The following MAX variants were observed in gnomAD, a reference collection of about 807,000 sequenced individuals.
MAX encodes MYC associated transcriptional regulator X, also known as protein max.
Under a neutral mutation model 22.3 loss-of-function variants are expected in MAX, and 3 were observed. The ratio of observed to expected loss-of-function variants is 0.13; its 90% CI spans 0.06 to 0.35. The LOEUF (loss-of-function observed/expected upper bound fraction) is 0.35, where lower values mean the gene tolerates loss of function less well. Ranked by LOEUF, MAX falls within the 10% of genes least tolerant of loss-of-function variation. The pLI is 1.00. For synonymous variants in MAX, 72 were observed against 77.7 expected, an observed-to-expected ratio of 0.93 and a Z score of 0.39; for missense variants, 119 against 209.4, an observed-to-expected ratio of 0.57 and a Z score of 2.66.
At chr14:65,026,379 C>G (rs142757862) in intron 3 of MAX, among the ~76,000 whole-genome samples, 1 of 152,316 alleles carries the variant, frequency 6.6e-6, no homozygotes, top group Non-Finnish European at 1.5e-5. Context: ...CAGAAAACAG[C>G]TCCCCTCAGT....
At chr14:65,055,958 A>G (rs915289304) in intron 3 of MAX, among the ~76,000 whole-genome samples, 1 of 151,834 alleles carries the variant, frequency 6.6e-6, no homozygotes, top group East Asian at 1.9e-4. Flanking sequence ...ATTTCCCCCT[A>G]TTTGCCTCTT....
chr14:65,043,802 C>A lies in MAX; in HGVS notation c.172-37518G>T, dbSNP rs537521241. ...GCGCCACTGCAGTCCGCAGTCCGGCCTGGGCGACAGAGCGAGACTCCGTCT... is the reference window on the plus strand; with the variant it reads ...GCGCCACTGCAGTCCGCAGTCCGGCATGGGCGACAGAGCGAGACTCCGTCT... On this transcript the variant is annotated intron_variant, in intron 3 of 3. Transcript: ENST00000341653. 6.6e-3 allele frequency among the ~76,000 whole-genome samples: 817 copies of A among 124,232 alleles called. 10 individuals are homozygous for A. Among genetic ancestry groups the A allele is most frequent in the African/African-American group, 0.023 (769 of 33,316 alleles). 81.5% of individuals were successfully genotyped at this position (124,232 alleles called of 152,430 possible).
chr14:65,053,933 T>C (rs2062670497), intron 3 of MAX, among the ~76,000 whole-genome samples: 1 of 152,204 alleles, frequency 6.6e-6, no homozygotes, highest in Non-Finnish European at 1.5e-5. Flanking sequence ...GGTATTTTTC[T>C]AGAGAAGTGT....
chr14:65,097,352 G>C (rs2063701366), intron 2 of MAX, among the ~76,000 whole-genome samples: 1 of 152,244 alleles, frequency 6.6e-6, no homozygotes, highest in Non-Finnish European at 1.5e-5. Context: ...ACTGCAGAGA[G>C]ACTGCATCTT....
At chr14:65,100,739 TTC>T (rs2139955024) in intron 2 of MAX, among the ~76,000 whole-genome samples, 1 of 152,344 alleles carries the variant, frequency 6.6e-6, no homozygotes, top group African/African-American at 2.4e-5. Flanking sequence ...TCTGTGTGTA[TTC>T]TTTTTTCCCT....
intron 3 of MAX, among the ~76,000 whole-genome samples, chr14:65,092,405 C>T (rs1027810766): frequency 6.6e-5 from 10 of 152,150 alleles, no homozygotes; most frequent in African/African-American, 1.7e-4. Flanking sequence ...GGAATAAGCA[C>T]CAACTGTCAA....
At chr14:65,061,679 C>T (rs905626079) in intron 3 of MAX, 19 of 196,928 alleles carry the variant, frequency 9.6e-5, no homozygotes, top group Middle Eastern at 2.4e-3. Flanking sequence ...CCCACTTGCA[C>T]GCCACCATTC....
At chr14:65,085,842 A>C (rs555867117) in intron 3 of MAX, among the ~76,000 whole-genome samples, 5 of 152,284 alleles carry the variant, frequency 3.3e-5, no homozygotes, top group African/African-American at 1.2e-4. Flanking sequence ...TGAGAAAAGC[A>C]AAGCACTCAG....
chr14:65,066,528 C>G (rs1476479889), intron 3 of MAX, among the ~76,000 whole-genome samples: 6 of 152,182 alleles, frequency 3.9e-5, no homozygotes, highest in Non-Finnish European at 8.8e-5. Context: ...TCTGCTCCCC[C>G]TGAGGAAATA....
chr14:65,053,644 A>C (rs1276650084), intron 3 of MAX, among the ~76,000 whole-genome samples: 2 of 152,156 alleles, frequency 1.3e-5, no homozygotes, highest in Middle Eastern at 3.4e-3. Flanking sequence ...ACAAAAAAAA[A>C]CTGATCTAAA....
At chr14:65,098,901 T>C (rs2063746488) in intron 2 of MAX, among the ~76,000 whole-genome samples, 1 of 152,228 alleles carries the variant, frequency 6.6e-6, no homozygotes. Flanking sequence ...AAGGCCTATA[T>C]ATTGTAGTGA....
intron 3 of MAX, among the ~76,000 whole-genome samples, chr14:65,063,895 A>G (rs544057914): frequency 6.6e-6 from 1 of 152,214 alleles, no homozygotes; most frequent in Non-Finnish European, 1.5e-5. Flanking sequence ...CTTGAGTAGA[A>G]GACATTTATG....
chr14:65,086,639 A>C (rs1395915102), intron 3 of MAX, among the ~76,000 whole-genome samples: 2 of 152,236 alleles, frequency 1.3e-5, no homozygotes, highest in Admixed American at 6.5e-5. Flanking sequence ...ATTTCTAAGC[A>C]GCAAAGCATT....
rs1324567946 is a variant in MAX at position 65,062,896 on chromosome 14, C to T, written c.171+30812G>A. Among the ~76,000 whole-genome samples, 2 of 152,200 alleles carry T rather than the reference C, an allele frequency of 1.3e-5. No homozygotes were observed. The highest frequency in any genetic ancestry group is 2.9e-5 in the Non-Finnish European group (2 of 68,040). ...TGGGGTAATTCGGTATGCTATGTCC[C>T]AGCCCTCCACACACTGCACTTCATG... On this transcript the variant is annotated intron_variant, in intron 3 of 3. Transcript: ENST00000341653. This position sits in a 1 kb window ranked among gnomAD's most constrained non-coding sequence, Gnocchi z 4.3.
intron 3 of MAX, among the ~76,000 whole-genome samples, chr14:65,036,289 T>A (rs1240894474): frequency 6.6e-6 from 1 of 152,102 alleles, no homozygotes; most frequent in Non-Finnish European, 1.5e-5. Flanking sequence ...CAGGCTGGAG[T>A]GCAGTGGCGT....
intron 3 of MAX, among the ~76,000 whole-genome samples, chr14:65,034,567 T>C (rs1451022225): frequency 6.6e-6 from 1 of 152,220 alleles, no homozygotes; most frequent in Non-Finnish European, 1.5e-5. Flanking sequence ...GTAACCAGAG[T>C]TCATTGAGGA....
chr14:65,036,239 AATTT>A (rs1251830202), intron 3 of MAX, among the ~76,000 whole-genome samples: 1 of 151,648 alleles, frequency 6.6e-6, no homozygotes, highest in African/African-American at 2.4e-5. Flanking sequence ...AATTTAATTT[AATTT>A]ATTTATTTTT....
Position 65,040,416 on chromosome 14 carries a change from G to A in MAX, c.172-34132C>T, listed in dbSNP as rs141376378. Among the ~76,000 whole-genome samples, 713 of 151,358 alleles carry A rather than the reference G, an allele frequency of 4.7e-3. 15 individuals are homozygous for A. The highest frequency in any genetic ancestry group is 0.042 in the South Asian group (202 of 4,788). ...CAAGTAGGCTGTTTCTAAGTGTCTGGGTTTTTAACATTTTACAGTTTTTAT... is the reference window on the plus strand; with the variant it reads ...CAAGTAGGCTGTTTCTAAGTGTCTGAGTTTTTAACATTTTACAGTTTTTAT... On this transcript the variant is annotated intron_variant, in intron 3 of 3. Transcript: ENST00000341653.
At chr14:65,061,259 C>A (rs150971983) in intron 3 of MAX, 2 of 1,614,138 alleles carry the variant, frequency 1.2e-6, no homozygotes, top group Non-Finnish European at 1.7e-6. Context: ...GAAGCCAGTC[C>A]CAGGTTTTGA....
Sources: gnomAD v4.1 joint callset for allele counts (sites outside exome capture counted in the v4.1 genomes callset) on GRCh38, gnomAD v4.1.1 for gene constraint, Gnocchi (gnomAD v3.1) non-coding constraint, MANE v1.5 for transcripts, NCBI Gene and HGNC (gene_info 2026-07-23, HGNC 2026-07-21) for gene names.